Variants in DLGAP1 observed in about 807,000 individuals in gnomAD.
The protein encoded by DLGAP1 is DLG associated protein 1.
DLGAP1 carries 11 observed loss-of-function variants against 90.8 expected under a neutral mutation model. The observed-to-expected ratio is 0.12, with a 90% CI of 0.08 to 0.20. The LOEUF (loss-of-function observed/expected upper bound fraction) is 0.20. Among genes scored for constraint, DLGAP1 ranks in the 10% least tolerant of loss-of-function variants. DLGAP1 has a pLI of 1.00. For synonymous variants in DLGAP1, 558 were observed against 540.7 expected, an observed-to-expected ratio of 1.03 and a Z score of -0.44; for missense variants, 1,050 against 1,333.8, an observed-to-expected ratio of 0.79 and a Z score of 3.31.
chr18:3,568,541 A>C (rs1401987749), intron 8 of DLGAP1, among the ~76,000 whole-genome samples: 1 of 152,114 alleles, frequency 6.6e-6, no homozygotes, highest in Non-Finnish European at 1.5e-5. Context: ...TCTAAATATA[A>C]AGACAATTCA....
At chr18:4,387,038 TG>T (rs1174230236) in intron 1 of DLGAP1, among the ~76,000 whole-genome samples, 2 of 152,184 alleles carry the variant, frequency 1.3e-5, no homozygotes, top group Non-Finnish European at 1.5e-5. Flanking sequence ...TAAGTTAGTA[TG>T]GGGATGATGC....
At position 4,306,081 on chromosome 18, in the gene DLGAP1, GGA is replaced by G. The variant is rs142976459; in HGVS notation, c.-267+148923_-267+148924del. Among the ~76,000 whole-genome samples, 331 of 142,812 alleles carry G rather than the reference GGA, an allele frequency of 2.3e-3. 1 individual carries two copies. The highest frequency in any genetic ancestry group is 4.5e-3 in the African/African-American group (176 of 38,726). 93.7% of individuals were successfully genotyped at this position (142,812 alleles called of 152,430 possible). A position where few individuals can be genotyped will look rare whatever the true frequency, so the allele number is the denominator to read the frequency against. Reference sequence around the variant, plus strand: ...ACACACACACGGGGGAGAGGGGGGCGGAGAGAGAGAGAGAGAGAGAGGGAGAG... The same window carrying G: ...ACACACACACGGGGGAGAGGGGGGCGGAGAGAGAGAGAGAGAGAGGGAGAG... On this transcript the variant is annotated intron_variant, in intron 1 of 12. Coordinates refer to ENST00000315677, the MANE Select transcript of DLGAP1 (RefSeq NM_004746.4).
At chr18:3,622,110 CTT>C (rs796466754) in intron 7 of DLGAP1, among the ~76,000 whole-genome samples, 3 of 145,820 alleles carry the variant, frequency 2.1e-5, no homozygotes, top group Non-Finnish European at 1.5e-5. Flanking sequence ...TAAGCTGATT[CTT>C]TTTTTTTTTT....
At chr18:3,605,649 T>A (rs1382682650) in intron 7 of DLGAP1, among the ~76,000 whole-genome samples, 1 of 152,188 alleles carries the variant, frequency 6.6e-6, no homozygotes, top group Non-Finnish European at 1.5e-5. Context: ...ATAATAAAAC[T>A]TCAAGAAAGC....
intron 10 of DLGAP1, among the ~76,000 whole-genome samples, chr18:3,511,098 T>G (rs1286800612): frequency 6.6e-6 from 1 of 152,182 alleles, no homozygotes; most frequent in Non-Finnish European, 1.5e-5. Flanking sequence ...AATTCCTGTG[T>G]CCAGGAGATG....
At chr18:4,411,746 G>C (rs2082782840) in intron 1 of DLGAP1, among the ~76,000 whole-genome samples, 1 of 152,152 alleles carries the variant, frequency 6.6e-6, no homozygotes, top group Admixed American at 6.5e-5. Flanking sequence ...TAGGATATCA[G>C]CTTAGGATTT....
chr18:4,136,971 A>G (rs2076412434), intron 2 of DLGAP1, among the ~76,000 whole-genome samples: 1 of 152,122 alleles, frequency 6.6e-6, no homozygotes, highest in Non-Finnish European at 1.5e-5. Flanking sequence ...ACATATGTAT[A>G]CATGTGCCAT....
chr18:3,571,714 G>A (rs1048577502), intron 8 of DLGAP1, among the ~76,000 whole-genome samples: 2 of 151,920 alleles, frequency 1.3e-5, no homozygotes, highest in African/African-American at 4.8e-5. Context: ...TTTTAGTAGA[G>A]ACTGGGTTTC....
In DLGAP1 at chr18:3,600,957, T is replaced by TAG. The variant is rs1568279713; in HGVS notation, c.1592-18710_1592-18709insCT. 3.5e-4 allele frequency among the ~76,000 whole-genome samples: 33 copies of TAG among 93,984 alleles called. 3 individuals carry two copies. The highest frequency in any genetic ancestry group is 8.4e-4 in the African/African-American group (21 of 24,924). 61.7% of individuals were successfully genotyped at this position (93,984 alleles called of 152,430 possible). ...ATATATAGATAGATATATAGATATA[T>TAG]ATAGATATATAGATAGATATATAGA... On this transcript the variant is annotated intron_variant, in intron 7 of 12. Coordinates refer to ENST00000315677, the MANE Select transcript of DLGAP1 (RefSeq NM_004746.4).
At chr18:4,218,632 C>T (rs1419410421) in intron 1 of DLGAP1, among the ~76,000 whole-genome samples, 1 of 151,830 alleles carries the variant, frequency 6.6e-6, no homozygotes, top group African/African-American at 2.4e-5. Context: ...CATGTCCCAC[C>T]CCAGCTTCTG....
intron 1 of DLGAP1, among the ~76,000 whole-genome samples, chr18:4,272,270 G>T (rs921864502): frequency 6.6e-6 from 1 of 152,164 alleles, no homozygotes; most frequent in Admixed American, 6.5e-5. Context: ...TTCCTCATCT[G>T]CAGCTTTTTT....
rs1254253833 is a variant in DLGAP1, at chr18:3,565,309, C to G, written c.2057+2181G>C. On this transcript the variant is annotated intron_variant, in intron 9 of 12. Transcript: ENST00000315677. The surrounding 1 kb of genome is among the most constrained non-coding windows in gnomAD (Gnocchi z 4.0). ...GATTACAGGAACCCACCACCACGCA[C>G]AGCTAATTTTTGTAATTTTTTAGTA... Among the ~76,000 whole-genome samples the G allele has an allele frequency of 6.6e-6, 1 of 151,928 alleles. No homozygotes were observed. Among genetic ancestry groups the G allele is most frequent in the Admixed American group, 6.6e-5 (1 of 15,236 alleles).
At chr18:4,029,584 T>C (rs1488261374) in intron 2 of DLGAP1, among the ~76,000 whole-genome samples, 3 of 152,194 alleles carry the variant, frequency 2.0e-5, no homozygotes, top group Non-Finnish European at 4.4e-5. Flanking sequence ...CCTTGTATTT[T>C]ATACCTGAAT....
chr18:3,672,900 C>T (rs1403349157), intron 7 of DLGAP1, among the ~76,000 whole-genome samples: 3 of 152,146 alleles, frequency 2.0e-5, no homozygotes, highest in African/African-American at 7.2e-5. Context: ...CCTCTCCATC[C>T]CCAGTGCCAT....
chr18:3,657,448 C>T (rs1422323528), intron 7 of DLGAP1, among the ~76,000 whole-genome samples: 1 of 152,124 alleles, frequency 6.6e-6, no homozygotes, highest in Non-Finnish European at 1.5e-5. Flanking sequence ...GAGTAAGAAA[C>T]ACTATAGGGG....
intron 9 of DLGAP1, among the ~76,000 whole-genome samples, chr18:3,564,002 C>A (rs920022292): frequency 1.3e-5 from 2 of 152,158 alleles, no homozygotes; most frequent in Non-Finnish European, 2.9e-5. Context: ...GAGCCCTTAG[C>A]ATATTAATCA....
intron 5 of DLGAP1, among the ~76,000 whole-genome samples, chr18:3,797,090 T>C (rs762142344): frequency 1.1e-4 from 17 of 152,004 alleles, no homozygotes; most frequent in African/African-American, 3.6e-4. Context: ...TCCCAGCACA[T>C]TGGGAGGCTG....
intron 1 of DLGAP1, among the ~76,000 whole-genome samples, chr18:4,348,777 G>A (rs748253760): frequency 5.3e-5 from 8 of 151,768 alleles, no homozygotes; most frequent in Non-Finnish European, 1.0e-4. Context: ...TAGAATGAGA[G>A]CAACAAACTA....
rs572679937 is a variant in DLGAP1, at chr18:4,231,202, G to A, written c.-266-79915C>T. On this transcript the variant is annotated intron_variant, in intron 1 of 12. Coordinates refer to ENST00000315677, the MANE Select transcript of DLGAP1 (RefSeq NM_004746.4). ...AATATTTACATGAAATCTCAAACAC[G>A]CATAAATTTTTCCTTATATTTAAGC... Among the ~76,000 whole-genome samples the A allele has an allele frequency of 2.3e-3, 353 of 151,998 alleles. 1 individual carries two copies. The highest frequency in any genetic ancestry group is 3.4e-3 in the Middle Eastern group (1 of 294).
Sources: gnomAD v4.1 joint callset for allele counts (sites outside exome capture counted in the v4.1 genomes callset) on GRCh38, gnomAD v4.1.1 for gene constraint, Gnocchi (gnomAD v3.1) non-coding constraint, MANE v1.5 for transcripts, NCBI Gene and HGNC (gene_info 2026-07-23, HGNC 2026-07-21) for gene names.